C1orf167: variants seen among roughly 807,000 people sequenced by gnomAD.
C1orf167 encodes uncharacterized protein C1orf167.
A neutral mutation model predicts 176.5 loss-of-function variants in C1orf167; 153 were observed. That is an observed-to-expected ratio of 0.87 (90% CI 0.76 to 0.99). C1orf167 has a LOEUF of 0.99. Ranked by LOEUF, C1orf167 falls within the 50% of genes least tolerant of loss-of-function variation. The probability of loss-of-function intolerance (pLI) is 0.00; values close to 1 mark genes in which losing one functional copy is unlikely to be tolerated. For missense variants in C1orf167, 1,490 were observed against 1,817.7 expected (o/e 0.82, Z 3.28); for synonymous variants, 594 against 752.7 (o/e 0.79, Z 3.45).
chr1:11,762,573 G>A (rs986186843), intron 1 of C1orf167, among the ~76,000 whole-genome samples: 8 of 152,222 alleles, frequency 5.3e-5, no homozygotes, highest in African/African-American at 1.9e-4. Context: ...AGTCTGCGCT[G>A]TGGAGCCAGC....
chr1:11,785,392 G>T (rs1468191294), intron 16 of C1orf167, 103 bp downstream of exon 16: 1 of 1,130,938 alleles, frequency 8.8e-7, no homozygotes, highest in Non-Finnish European at 1.1e-6. Flanking sequence ...GGTGAAGGGA[G>T]CCTAGGCAGG....
chr1:11,784,425 C>G lies in C1orf167; in HGVS notation c.3257C>G (p.Pro1086Arg), dbSNP rs1237492871. Residue 1086 changes from proline to arginine, a missense_variant, in exon 15 of 21, where the codon CCA becomes CGA. Transcript: ENST00000688073. ...QKKARAPQAF[P>R]AWPVAPGMHH... ...AAGGCCCGGGCCCCACAGGCCTTCC[C>G]AGCATGGCCAGTGGCCCCGGGCATG... The G allele has an allele frequency of 7.7e-7, 1 of 1,303,734 alleles. No homozygotes were observed. The highest frequency in any genetic ancestry group is 2.3e-5 in the Admixed American group (1 of 43,574). The allele number at this position is 1,303,734 out of a possible 1,614,324, so 80.8% of individuals were successfully genotyped here. A position where few individuals can be genotyped will look rare whatever the true frequency, so the allele number is the denominator to read the frequency against.
rs1643460492 is a variant in C1orf167 at position 11,778,917 on chromosome 1, C to T, written c.2497-9C>T. Reference sequence around the variant, plus strand: ...TAGGGGACCAAGGACTCCACATCTCCTTCCCCAGGTTCCCAGGGCCCCCAC... The same window carrying T: ...TAGGGGACCAAGGACTCCACATCTCTTTCCCCAGGTTCCCAGGGCCCCCAC... On this transcript the variant is annotated splice_polypyrimidine_tract_variant and intron_variant, in intron 11 of 20. Coordinates refer to ENST00000688073, the MANE Select transcript of C1orf167 (RefSeq NM_001010881.2). 3 of 1,302,202 alleles carry T rather than the reference C, an allele frequency of 2.3e-6. No individual in the cohort carries two copies. Among genetic ancestry groups the T allele is most frequent in the Non-Finnish European group, 3.0e-6 (3 of 987,664 alleles). 80.7% of individuals were successfully genotyped at this position (1,302,202 alleles called of 1,614,324 possible). A position where few individuals can be genotyped will look rare whatever the true frequency, so the allele number is the denominator to read the frequency against.
chr1:11,762,214 C>T lies in C1orf167; in HGVS notation c.-162C>T. On this transcript the variant is annotated 5_prime_UTR_variant, in exon 1 of 21. Coordinates refer to ENST00000688073, the MANE Select transcript of C1orf167 (RefSeq NM_001010881.2). ...CTCCGACGTCCCCTCCCGCCCGCGA[C>T]CTGCCGACCTGCGGGGATCGTTAGC... 2.2e-6 allele frequency: 1 copy of T among 447,684 alleles called. No individual in the cohort carries two copies. Among genetic ancestry groups the T allele is most frequent in the Non-Finnish European group, 4.5e-6 (1 of 220,694 alleles). 27.7% of individuals were successfully genotyped at this position (447,684 alleles called of 1,614,324 possible). A position where few individuals can be genotyped will look rare whatever the true frequency, so the allele number is the denominator to read the frequency against.
intron 6 of C1orf167, among the ~76,000 whole-genome samples, chr1:11,771,047 G>GTATATATATATATA (rs1557726771): frequency 4.5e-4 from 15 of 33,578 alleles, no homozygotes; most frequent in African/African-American, 1.4e-3. Flanking sequence ...GTGTGTGTGT[G>GTATATATATATATA]TGTATATATA....
At chr1:11,775,234 A>C (rs1643254159) in intron 8 of C1orf167, among the ~76,000 whole-genome samples, 1 of 152,196 alleles carries the variant, frequency 6.6e-6, no homozygotes, top group Non-Finnish European at 1.5e-5. Context: ...GGTTGCAGTG[A>C]CCAGAGATCG....
intron 14 of C1orf167, among the ~76,000 whole-genome samples, chr1:11,783,831 C>T (rs1177090607): frequency 6.6e-6 from 1 of 151,860 alleles, no homozygotes; most frequent in Non-Finnish European, 1.5e-5. Context: ...ACGAGACAAG[C>T]CCTCCCATGC....
rs571315545 is a variant in C1orf167 at position 11,778,887 on chromosome 1, C to G, written c.2497-39C>G. 68 of 1,296,946 alleles carry G rather than the reference C, an allele frequency of 5.2e-5. No individual in the cohort carries two copies. The African/African-American group carries it at 1.0e-3, about 19-fold the overall frequency. 80.3% of individuals were successfully genotyped at this position (1,296,946 alleles called of 1,614,324 possible). On this transcript the variant is annotated intron_variant, in intron 11 of 20. Coordinates refer to ENST00000688073, the MANE Select transcript of C1orf167 (RefSeq NM_001010881.2). ...ATGGGTGGAGATTGTGGGAAGGGGA[C>G]AGGGTAGGGGACCAAGGACTCCACA...
intron 7 of C1orf167, among the ~76,000 whole-genome samples, chr1:11,771,869 GAC>G (rs1054980926): frequency 2.6e-5 from 4 of 152,116 alleles, no homozygotes; most frequent in Admixed American, 2.0e-4. Flanking sequence ...CTTGTTTGAG[GAC>G]ACACAGCATG....
At chr1:11,788,828 C>G (rs114290429) in intron 20 of C1orf167, 82 bp downstream of exon 20, 1 of 1,202,156 alleles carries the variant, frequency 8.3e-7, no homozygotes, top group African/African-American at 1.6e-5. Flanking sequence ...AGCCACGCAC[C>G]GTGGAGCTTT....
At chr1:11,769,747 C>T (rs1275389257) in intron 6 of C1orf167, among the ~76,000 whole-genome samples, 4 of 150,162 alleles carry the variant, frequency 2.7e-5, no homozygotes, top group Admixed American at 6.7e-5. Flanking sequence ...TCTCAGCTCA[C>T]TGCAAGCTCC....
rs534973824 is a variant in C1orf167, at chr1:11,775,568, G to A, written c.2122G>A (p.Gly708Arg). Residue 708 changes from glycine (G) to arginine (R), a missense_variant, in exon 9 of 21, where the codon GGG (glycine) becomes AGG (arginine). Physicochemically the swap from Gly to Arg is moderately radical, Grantham distance 125. Coordinates refer to ENST00000688073, the MANE Select transcript of C1orf167 (RefSeq NM_001010881.2). ...VRMKQLRESD[G>R]AKVTQLSLCR... ...GATGAAGCAGCTCCGGGAATCAGAT[G>A]GGGCAAAGGTGACCCAGCTGTCCCT... 2 of 1,304,134 alleles carry A rather than the reference G, an allele frequency of 1.5e-6. No homozygotes were observed. Among genetic ancestry groups the A allele is most frequent in the East Asian group, 5.5e-5 (1 of 18,022 alleles). 80.8% of individuals were successfully genotyped at this position (1,304,134 alleles called of 1,614,324 possible). A position where few individuals can be genotyped will look rare whatever the true frequency, so the allele number is the denominator to read the frequency against.
At chr1:11,787,598 A>T (rs1012834933) in intron 17 of C1orf167, 105 bp downstream of exon 17, 53 of 858,942 alleles carry the variant, frequency 6.2e-5, no homozygotes, top group Middle Eastern at 5.6e-4. Flanking sequence ...ACACGGTCTT[A>T]TGTGTATTGA....
At chr1:11,779,536 T>C in intron 12 of C1orf167, 1 of 291,242 alleles carries the variant, frequency 3.4e-6, no homozygotes, top group Non-Finnish European at 7.0e-6. Flanking sequence ...GCTCAGTCCA[T>C]AGCAATGTTT....
At chr1:11,780,444 G>A (rs976910906) in intron 13 of C1orf167, among the ~76,000 whole-genome samples, 1 of 152,156 alleles carries the variant, frequency 6.6e-6, no homozygotes. Flanking sequence ...TTCTGGTGAT[G>A]AGACCCCCAC....
intron 18 of C1orf167, 24 bp downstream of exon 18, chr1:11,788,071 T>G: frequency 7.8e-7 from 1 of 1,285,414 alleles, no homozygotes; most frequent in South Asian, 1.3e-5. Context: ...TGTGTGCAGT[T>G]TGGTGGGTCC....
Position 11,789,342 on chromosome 1 carries a change from T to C in C1orf167, c.4246T>C (p.Trp1416Arg), listed in dbSNP as rs1366157701. ...RRGAASSPRP[W>R]SKPGPKGPES... The stretch of plus-strand genomic sequence containing the variant: ...AGGAGCTGCCAGTAGCCCAAGACCC[T>C]GGAGCAAGCCAGGCCCCAAGGGCCC... Residue 1416 changes from tryptophan to arginine, a missense_variant, in exon 21 of 21, where the codon TGG becomes CGG. Physicochemically the swap from Trp to Arg is moderately radical, Grantham distance 101 (BLOSUM62 -3). Coordinates refer to ENST00000688073, the MANE Select transcript of C1orf167 (RefSeq NM_001010881.2). The C allele has an allele frequency of 1.5e-6, 2 of 1,303,878 alleles. No individual in the cohort carries two copies. The highest frequency in any genetic ancestry group is 1.0e-6 in the Non-Finnish European group (1 of 988,874). The allele number at this position is 1,303,878 out of a possible 1,614,324, so 80.8% of individuals were successfully genotyped here. A position where few individuals can be genotyped will look rare whatever the true frequency, so the allele number is the denominator to read the frequency against.
At chr1:11,780,141 C>G (rs546399285) in intron 13 of C1orf167, 131 bp downstream of exon 13, 2 of 574,008 alleles carry the variant, frequency 3.5e-6, no homozygotes, top group Admixed American at 7.9e-5. Context: ...GGCTAAGCTA[C>G]ATCTGGACTC....
At chr1:11,785,547 C>A (rs1643823364) in intron 16 of C1orf167, among the ~76,000 whole-genome samples, 1 of 152,206 alleles carries the variant, frequency 6.6e-6, no homozygotes, top group Non-Finnish European at 1.5e-5. Flanking sequence ...CAGCCTCTGA[C>A]AAGCAACTCT....
Sources: allele counts gnomAD v4.1 joint callset (sites outside exome capture counted in the v4.1 genomes callset), GRCh38; gene constraint gnomAD v4.1.1; transcripts MANE v1.5; gene names NCBI Gene and HGNC (gene_info 2026-07-23, HGNC 2026-07-21).